The following SEC14L4 variants were observed in gnomAD, a reference collection of about 807,000 sequenced individuals.
SEC14L4 encodes SEC14 like lipid binding 4, also known as SEC14-like protein 4.
Under a neutral mutation model 55.1 loss-of-function variants are expected in SEC14L4, and 42 were observed. The ratio of observed to expected loss-of-function variants is 0.76; its 90% confidence interval spans 0.60 to 0.99. SEC14L4 has a LOEUF of 0.99. Among genes scored for constraint, SEC14L4 ranks in the 50% least tolerant of loss-of-function variants. The pLI is 0.00. For synonymous variants in SEC14L4, 206 were observed against 206.8 expected, an observed-to-expected ratio of 1.00 and a Z score of 0.03; for missense variants, 445 against 512.1, an observed-to-expected ratio of 0.87 and a Z score of 1.27.
At position 30,492,468 on chromosome 22, in the gene SEC14L4, G is replaced by A. The variant is rs745583081; in HGVS notation, c.664+6C>T. On this transcript the variant is annotated splice_donor_region_variant and intron_variant, in intron 8 of 11. Transcript: ENST00000255858. Reference sequence around the variant, plus strand: ...ATGGACACAACCAGGGGGCCACGTCGCTCACCTCCCAGAATCACAATCTTC... The same window carrying A: ...ATGGACACAACCAGGGGGCCACGTCACTCACCTCCCAGAATCACAATCTTC... The A allele has an allele frequency of 1.1e-5, 17 of 1,611,678 alleles. No individual in the cohort carries two copies. The highest frequency in any genetic ancestry group is 3.3e-5 in the South Asian group (3 of 91,010).
chr22:30,494,088 C>G, intron 7 of SEC14L4, 62 bp downstream of exon 7: 1 of 1,249,748 alleles, frequency 8.0e-7, no homozygotes. Flanking sequence ...CCATGGCTTA[C>G]CTACTGTACC....
At position 30,505,691 on chromosome 22, in the gene SEC14L4, G is replaced by T; in HGVS notation, c.-80C>A. 1 of 1,370,094 alleles carries T rather than the reference G, an allele frequency of 7.3e-7. No individual in the cohort carries two copies. Among genetic ancestry groups the T allele is most frequent in the Non-Finnish European group, 9.9e-7 (1 of 1,014,286 alleles). The allele number at this position is 1,370,094 out of a possible 1,614,324, so 84.9% of individuals were successfully genotyped here. ...CTGGCCTTGTATCCGCTGCCGCCTG[G>T]TTGTGCCTCCTGGGCCAGATGTTGG... is the stretch of plus-strand genomic sequence containing the variant. On this transcript the variant is annotated 5_prime_UTR_variant, in exon 1 of 12. Coordinates refer to ENST00000255858, the MANE Select transcript of SEC14L4 (RefSeq NM_174977.4).
intron 5 of SEC14L4, 140 bp downstream of exon 5, chr22:30,495,114 G>A (rs1030346455): frequency 1.7e-5 from 16 of 967,700 alleles, no homozygotes; most frequent in South Asian, 1.6e-4. Context: ...TCACTTTTAC[G>A]GGTGGGTAAG....
intron 6 of SEC14L4, among the ~76,000 whole-genome samples, chr22:30,494,645 G>A (rs1407836117): frequency 6.6e-6 from 1 of 152,190 alleles, no homozygotes; most frequent in African/African-American, 2.4e-5. Flanking sequence ...AAAGTGCTGG[G>A]ATGACAGGCG....
intron 6 of SEC14L4, 125 bp downstream of exon 6, chr22:30,494,741 T>G (rs1160095685): frequency 2.3e-5 from 15 of 662,362 alleles, no homozygotes; most frequent in Non-Finnish European, 5.4e-6. Context: ...CATTGGCTGG[T>G]CTGTGGAGCC....
At chr22:30,491,326 G>A in intron 11 of SEC14L4, 1 of 556,930 alleles carries the variant, frequency 1.8e-6, no homozygotes, top group Admixed American at 3.0e-5. Context: ...TTAGTCCAGT[G>A]ATCCCGGTAT....
At chr22:30,494,343 T>A in intron 6 of SEC14L4, 133 bp from the exon 7 acceptor site, 1 of 702,900 alleles carries the variant, frequency 1.4e-6, no homozygotes, top group Non-Finnish European at 2.6e-6. Context: ...AGCATGTGCC[T>A]CTTCCTCTCT....
At chr22:30,495,179 G>A in intron 5 of SEC14L4, 75 bp downstream of exon 5, 3 of 1,382,814 alleles carry the variant, frequency 2.2e-6, no homozygotes, top group Non-Finnish European at 2.9e-6. Context: ...CTGGGGAGGG[G>A]CAGGGTGCCA....
intron 1 of SEC14L4, 109 bp downstream of exon 1, chr22:30,505,449 T>C: frequency 8.6e-7 from 1 of 1,166,724 alleles, no homozygotes; most frequent in Non-Finnish European, 1.2e-6. Flanking sequence ...AGAGGCGCTC[T>C]CTCCAGGCTC....
In SEC14L4 at chr22:30,491,828, C is replaced by G. The variant is rs764612132; in HGVS notation, c.911+6G>C. The G allele has an allele frequency of 6.2e-7, 1 of 1,611,880 alleles. No individual in the cohort carries two copies. The highest frequency in any genetic ancestry group is 2.2e-5 in the East Asian group (1 of 44,832). ...TGCCCAGGTGTAGAGTGGCTGCCAT[C>G]CCTACCTGAGCACACAGCCCGGGAA... On this transcript the variant is annotated splice_donor_region_variant and intron_variant, in intron 10 of 11. Coordinates refer to ENST00000255858, the MANE Select transcript of SEC14L4 (RefSeq NM_174977.4).
rs1211246071 is a variant in SEC14L4 at position 30,503,690 on chromosome 22, C to T, written c.117G>A (p.Leu39=). 3 of 1,612,166 alleles carry T rather than the reference C, an allele frequency of 1.9e-6. No homozygotes were observed. The highest frequency in any genetic ancestry group is 2.5e-6 in the Non-Finnish European group (3 of 1,178,682). The change falls in exon 2 of 12, where the codon CTG becomes CTA. Residue 39 remains leucine, a synonymous_variant. Coordinates refer to ENST00000255858, the MANE Select transcript of SEC14L4 (RefSeq NM_174977.4). ...TGCAAGCCTCACCTCGCAGCCAGCGCAGGAGGAAGTAGTCATCAGCATTGG... is the reference window on the plus strand; with the variant it reads ...TGCAAGCCTCACCTCGCAGCCAGCGTAGGAGGAAGTAGTCATCAGCATTGG... The part of the protein sequence containing the change: ...ILPNADDYFL[L]RWLRARNFDL...
rs774862431 is a variant in SEC14L4, at chr22:30,495,365, C to T, written c.312G>A (p.Gly104=). ...GCAGGAGACCCTTGGGGTCGAGGGA[C>T]CCAATGATGTTGAAGTACACAGGGC... ...EGCPVYFNII[G]SLDPKGLLLS... The change falls in exon 5 of 12, where the codon GGG becomes GGA. Residue 104 remains glycine (G), a synonymous_variant. Transcript: ENST00000255858. 6.2e-6 allele frequency: 10 copies of T among 1,613,920 alleles called. No homozygotes were observed. The Admixed American group carries it at 1.7e-4, about 27-fold the overall frequency.
Position 30,491,631 on chromosome 22 carries a change from G to C in SEC14L4, c.1023C>G (p.Arg341=), listed in dbSNP as rs767132550. Residue 341 remains arginine, a synonymous_variant, in exon 11 of 12, where the codon CGC becomes CGG. Coordinates refer to ENST00000255858, the MANE Select transcript of SEC14L4 (RefSeq NM_174977.4). ...CCTCAGGCACCATGTGGGCATTGTA[G>C]CGCTGGCTGGGCAGCACCTCCGTCA... The part of the protein sequence containing the change: ...REMTEVLPSQ[R]YNAHMVPEDG... 29 of 1,614,054 alleles carry C rather than the reference G, an allele frequency of 1.8e-5. No individual in the cohort carries two copies. The highest frequency in any genetic ancestry group is 2.5e-5 in the Non-Finnish European group (29 of 1,180,032).
In SEC14L4 at chr22:30,490,772, T is replaced by C. The variant is rs540963437; in HGVS notation, c.1082-526A>G. ...AGAAAACTGAGGCTTGGAGAGGTGA[T>C]ATGATCTTTCAGCGGTCACAGAGCA... On this transcript the variant is annotated intron_variant, in intron 11 of 11. Coordinates refer to ENST00000255858, the MANE Select transcript of SEC14L4 (RefSeq NM_174977.4). 4.6e-5 allele frequency among the ~76,000 whole-genome samples: 7 copies of C among 152,254 alleles called. No homozygotes were observed. The East Asian group carries it at 1.4e-3, about 29-fold the overall frequency.
chr22:30,505,481 G>A (rs985115490), intron 1 of SEC14L4, 77 bp downstream of exon 1: 53 of 1,403,948 alleles, frequency 3.8e-5, no homozygotes, highest in Non-Finnish European at 4.7e-5. Context: ...CTGTACCATG[G>A]GGGCTCCAGC....
intron 2 of SEC14L4, among the ~76,000 whole-genome samples, chr22:30,499,325 C>G (rs1046815741): frequency 1.3e-5 from 2 of 150,996 alleles, no homozygotes; most frequent in African/African-American, 4.9e-5. Context: ...TCAGGTGATC[C>G]GCCTGCTTCG....
At chr22:30,497,261 C>T (rs184437141) in intron 2 of SEC14L4, among the ~76,000 whole-genome samples, 216 of 152,248 alleles carry the variant, frequency 1.4e-3, no homozygotes, top group African/African-American at 4.6e-3. Context: ...ATTGCTTGAA[C>T]CCAGGAGGCA....
chr22:30,491,433 A>T (rs532519879), intron 11 of SEC14L4, 140 bp downstream of exon 11: 101 of 880,932 alleles, frequency 1.1e-4, no homozygotes, highest in Non-Finnish European at 1.5e-4. Flanking sequence ...GGTAGGGGCC[A>T]CTCATCTGAT....
At chr22:30,490,289 A>G (rs1351820914) in intron 11 of SEC14L4, 43 bp from the exon 12 acceptor site, 1 of 1,606,760 alleles carries the variant, frequency 6.2e-7, no homozygotes, top group South Asian at 1.1e-5. Flanking sequence ...AACCCCGCAC[A>G]TCTGCAGGAA....
Sources: gnomAD v4.1 joint callset for allele counts (sites outside exome capture counted in the v4.1 genomes callset) on GRCh38, gnomAD v4.1.1 for gene constraint, MANE v1.5 for transcripts, NCBI Gene and HGNC (gene_info 2026-07-23, HGNC 2026-07-21) for gene names.